Variants in DAB1 observed in about 807,000 individuals in gnomAD.
DAB1 encodes DAB adaptor protein 1.
In DAB1, 15 loss-of-function variants were observed where a neutral mutation model predicts 64.6. That is an observed-to-expected ratio of 0.23 (90% CI 0.16 to 0.36). The LOEUF (loss-of-function observed/expected upper bound fraction) is 0.36, where lower values mean the gene tolerates loss of function less well. Ranked by LOEUF, DAB1 falls within the 10% of genes least tolerant of loss-of-function variation. The probability of loss-of-function intolerance (pLI) is 1.00; values close to 1 mark genes in which losing one functional copy is unlikely to be tolerated. For synonymous variants in DAB1, 235 were observed against 251.9 expected (o/e 0.93, Z 0.64); for missense variants, 596 against 706.7 (o/e 0.84, Z 1.78).
At chr1:57,004,381 A>C (rs1322569235) in intron 14 of DAB1, among the ~76,000 whole-genome samples, 1 of 152,380 alleles carries the variant, frequency 6.6e-6, no homozygotes, top group Non-Finnish European at 1.5e-5. Context: ...CTTTGACAAA[A>C]GTATGTCAAA....
chr1:58,324,161 T>G (rs1355120997), intron 4 of DAB1, among the ~76,000 whole-genome samples: 2 of 152,136 alleles, frequency 1.3e-5, no homozygotes, highest in African/African-American at 2.4e-5. Flanking sequence ...ATTGTGCCTC[T>G]GCCTTCCTCC....
intron 3 of DAB1, among the ~76,000 whole-genome samples, chr1:58,435,873 T>C (rs1405457514): frequency 1.3e-5 from 2 of 152,182 alleles, no homozygotes; most frequent in Non-Finnish European, 2.9e-5. Flanking sequence ...TCGGAGATAA[T>C]TTAGATTTGA....
At chr1:58,246,619 TG>T (rs1418426160) in intron 4 of DAB1, among the ~76,000 whole-genome samples, 1 of 152,072 alleles carries the variant, frequency 6.6e-6, no homozygotes, top group African/African-American at 2.4e-5. Context: ...ATGATGTGTG[TG>T]GGTAGGTGTG....
intron 4 of DAB1, among the ~76,000 whole-genome samples, chr1:58,296,712 G>A (rs1406740453): frequency 2.0e-5 from 3 of 152,072 alleles, no homozygotes; most frequent in African/African-American, 7.2e-5. Flanking sequence ...TATCATAACA[G>A]TTGTTATGTT....
chr1:58,453,971 C>T (rs1645165163), intron 3 of DAB1, among the ~76,000 whole-genome samples: 1 of 152,080 alleles, frequency 6.6e-6, no homozygotes, highest in Non-Finnish European at 1.5e-5. Context: ...GCTTGCACAT[C>T]AGCTTGTACA....
At chr1:58,487,382 A>G (rs138817057) in intron 3 of DAB1, among the ~76,000 whole-genome samples, 315 of 152,362 alleles carry the variant, frequency 2.1e-3, no homozygotes, top group Non-Finnish European at 3.3e-3. Flanking sequence ...TTACTGTAAT[A>G]TAATATCGTA....
intron 2 of DAB1, among the ~76,000 whole-genome samples, chr1:57,207,171 G>T (rs1396772009): frequency 6.6e-6 from 1 of 151,346 alleles, no homozygotes; most frequent in African/African-American, 2.4e-5. Context: ...GTTTCACCAT[G>T]TTGGTCAGGC....
At chr1:57,229,252 G>A (rs1184481584) in intron 2 of DAB1, among the ~76,000 whole-genome samples, 2 of 149,016 alleles carry the variant, frequency 1.3e-5, no homozygotes, top group Admixed American at 1.3e-4. Context: ...GGAGTGCAAT[G>A]ATATGATCGT....
At chr1:57,160,121 T>C (rs550021544) in intron 2 of DAB1, among the ~76,000 whole-genome samples, 122 of 152,356 alleles carry the variant, frequency 8.0e-4, no homozygotes, top group Non-Finnish European at 1.1e-3. Context: ...TTGTGTCTTT[T>C]TCCTGGTGCC....
intron 2 of DAB1, among the ~76,000 whole-genome samples, chr1:58,523,663 G>A (rs6662905): frequency 0.12 from 17,811 of 152,160 alleles, 1,231 homozygotes; most frequent in African/African-American, 0.18. Context: ...ACTTTGGGAG[G>A]CCAAGGAGGG....
At chr1:58,291,111 G>A (rs1661822164) in intron 4 of DAB1, among the ~76,000 whole-genome samples, 1 of 152,160 alleles carries the variant, frequency 6.6e-6, no homozygotes, top group Admixed American at 6.6e-5. Flanking sequence ...ATAAATTGAA[G>A]TAGCAACATG....
At chr1:58,160,339 G>A (rs758780195) in intron 4 of DAB1, among the ~76,000 whole-genome samples, 14 of 152,148 alleles carry the variant, frequency 9.2e-5, no homozygotes, top group Non-Finnish European at 2.1e-4. Context: ...GTTACCGCAG[G>A]CTGCTCTGGA....
rs753906613 is a variant in DAB1, at chr1:57,023,634, A to G, written c.792T>C (p.Pro264=). ...GGATAAAGGCATCACCTGGAGTTGC[A>G]GGAGTCTGCCAGACAGAGAGAGGCA... is the stretch of plus-strand genomic sequence containing the variant. The part of the protein sequence containing the change: ...TPPDITSPPT[P]ATPGDAFIPS... Residue 264 remains proline, a synonymous_variant, in exon 11 of 15, where the codon CCT becomes CCC. Coordinates refer to ENST00000371236, the MANE Select transcript of DAB1 (RefSeq NM_001365792.1). The G allele has an allele frequency of 6.2e-7, 1 of 1,606,836 alleles. No homozygotes were observed. The highest frequency in any genetic ancestry group is 8.5e-7 in the Non-Finnish European group (1 of 1,175,264).
intron 6 of DAB1, among the ~76,000 whole-genome samples, chr1:57,786,013 T>C (rs1650321142): frequency 6.6e-6 from 1 of 152,158 alleles, no homozygotes; most frequent in African/African-American, 2.4e-5. Flanking sequence ...CTTCAGCAAT[T>C]ACTACCCTGA....
At chr1:58,490,883 G>A (rs1300847937) in intron 3 of DAB1, among the ~76,000 whole-genome samples, 3 of 126,342 alleles carry the variant, frequency 2.4e-5, no homozygotes, top group African/African-American at 8.9e-5. Context: ...TCGGCTCACA[G>A]CAAGCTCTGC....
intron 1 of DAB1, among the ~76,000 whole-genome samples, chr1:57,401,150 A>G (rs566984364): frequency 6.6e-6 from 1 of 152,292 alleles, no homozygotes; most frequent in South Asian, 2.1e-4. Flanking sequence ...TCTACACTCA[A>G]CTGGAAAAAT....
chr1:58,527,429 G>A (rs1165743066), intron 1 of DAB1: 7 of 704,662 alleles, frequency 9.9e-6, no homozygotes, highest in South Asian at 9.1e-5. Flanking sequence ...GTTTCATGGA[G>A]TATCTAGGAT....
intron 4 of DAB1, among the ~76,000 whole-genome samples, chr1:58,181,424 A>G (rs1656785689): frequency 6.6e-6 from 1 of 152,100 alleles, no homozygotes; most frequent in Non-Finnish European, 1.5e-5. Flanking sequence ...GAAGCAGTTA[A>G]TTCATTTACA....
At chr1:57,390,133 T>C (rs1682221136) in intron 1 of DAB1, among the ~76,000 whole-genome samples, 1 of 152,218 alleles carries the variant, frequency 6.6e-6, no homozygotes, top group Admixed American at 6.5e-5. Context: ...GCTCACAGAC[T>C]TATTACAGAC....
Sources: allele counts gnomAD v4.1 joint callset (sites outside exome capture counted in the v4.1 genomes callset), GRCh38; gene constraint gnomAD v4.1.1; transcripts MANE v1.5; gene names NCBI Gene and HGNC (gene_info 2026-07-23, HGNC 2026-07-21).